The following BFSP2 variants were observed in gnomAD, a reference collection of about 807,000 sequenced individuals.
BFSP2 encodes beaded filament structural protein 2, also known as phakinin.
A neutral mutation model predicts 44.9 loss-of-function variants in BFSP2; 38 were observed. The observed-to-expected ratio is 0.85, with a 90% confidence interval of 0.65 to 1.11. The LOEUF (loss-of-function observed/expected upper bound fraction) is 1.11, where lower values mean the gene tolerates loss of function less well. Among genes scored for constraint, BFSP2 ranks in the 50% least tolerant of loss-of-function variants. The pLI, the probability that BFSP2 is intolerant of heterozygous loss-of-function variation, is 0.00. For missense variants in BFSP2, 525 were observed against 533.0 expected (o/e 0.99, Z 0.15); for synonymous variants, 197 against 209.9 (o/e 0.94, Z 0.53).
At chr3:133,458,746 C>G (rs1160130311) in intron 4 of BFSP2, among the ~76,000 whole-genome samples, 1 of 151,980 alleles carries the variant, frequency 6.6e-6, no homozygotes, top group Non-Finnish European at 1.5e-5. Flanking sequence ...AGCGCTCTCT[C>G]AGGCCCTTAT....
intron 1 of BFSP2, among the ~76,000 whole-genome samples, chr3:133,404,100 C>T (rs1206244515): frequency 8.5e-5 from 13 of 152,096 alleles, no homozygotes; most frequent in Admixed American, 7.9e-4. Context: ...TGGAGTGCAG[C>T]GATGCCATCA....
At chr3:133,432,823 A>G (rs181813786) in intron 1 of BFSP2, among the ~76,000 whole-genome samples, 1 of 152,192 alleles carries the variant, frequency 6.6e-6, no homozygotes, top group Admixed American at 6.5e-5. Context: ...CTTCCTAGGC[A>G]TGGTTAGCGC....
At chr3:133,442,178 C>T (rs1335102760) in intron 1 of BFSP2, among the ~76,000 whole-genome samples, 1 of 152,208 alleles carries the variant, frequency 6.6e-6, no homozygotes, top group African/African-American at 2.4e-5. Context: ...TTCACTCTGT[C>T]TCTCAGGCTG....
intron 1 of BFSP2, among the ~76,000 whole-genome samples, chr3:133,435,877 C>T (rs984454891): frequency 1.3e-5 from 2 of 152,252 alleles, no homozygotes; most frequent in East Asian, 3.9e-4. Context: ...CCCATGATTT[C>T]ATTATTTTTC....
chr3:133,466,873 C>T lies in BFSP2; in HGVS notation c.937C>T (p.Leu313=), dbSNP rs1040819469. 3.1e-6 allele frequency: 5 copies of T among 1,613,818 alleles called. No individual in the cohort carries two copies. The highest frequency in any genetic ancestry group is 3.4e-6 in the Non-Finnish European group (4 of 1,179,968). ...CATGTCCCAGACCCAGGAGGAGAAG[C>T]TGGCAGCTGCCCTCAGGGTGGAGTT... ...AHMSQTQEEK[L]AAALRVELHN... Residue 313 remains leucine (L), a synonymous_variant, in exon 5 of 7, where the codon CTG becomes TTG. Transcript: ENST00000302334.
At chr3:133,418,161 C>A (rs1467471077) in intron 1 of BFSP2, among the ~76,000 whole-genome samples, 3 of 151,930 alleles carry the variant, frequency 2.0e-5, no homozygotes, top group South Asian at 2.1e-4. Context: ...CCTGTTCTCT[C>A]CCCTCTCTTC....
chr3:133,424,231 T>G lies in BFSP2; in HGVS notation c.490-23086T>G, dbSNP rs1303047204. On this transcript the variant is annotated intron_variant, in intron 1 of 6. Coordinates refer to ENST00000302334, the MANE Select transcript of BFSP2 (RefSeq NM_003571.4). Reference sequence around the variant, plus strand: ...CAGCTAATTTTTTTTTTTTTTTTTTTTTTTTTTTTTGTATTTTTAGTAGAG... The same window carrying G: ...CAGCTAATTTTTTTTTTTTTTTTTTGTTTTTTTTTTGTATTTTTAGTAGAG... Among the ~76,000 whole-genome samples the G allele has an allele frequency of 1.9e-3, 281 of 146,620 alleles. 7 individuals are homozygous for G. Among genetic ancestry groups the G allele is most frequent in the African/African-American group, 6.7e-3 (268 of 40,164 alleles).
Position 133,448,560 on chromosome 3 carries a change from A to T in BFSP2, c.644A>T (p.Glu215Val). ...AACTCTCTGTATAAAGTCATTGATGAGGCTAATTTGACTAAAATGGACCTG... is the reference window on the plus strand; with the variant it reads ...AACTCTCTGTATAAAGTCATTGATGTGGCTAATTTGACTAAAATGGACCTG... Reference protein sequence around the residue: ...EINSLYKVIDEANLTKMDLES... With the variant: ...EINSLYKVIDVANLTKMDLES... Residue 215 changes from glutamate (E) to valine (V), a missense_variant, in exon 3 of 7, where the codon GAG becomes GTG. Transcript: ENST00000302334. 2 of 1,614,142 alleles carry T rather than the reference A, an allele frequency of 1.2e-6. No homozygotes were observed. The highest frequency in any genetic ancestry group is 1.7e-6 in the Non-Finnish European group (2 of 1,180,004).
rs146910629 is a variant in BFSP2 at position 133,444,333 on chromosome 3, C to T, written c.490-2984C>T. Among the ~76,000 whole-genome samples the T allele has an allele frequency of 2.5e-4, 38 of 152,184 alleles. 1 individual carries two copies. Among genetic ancestry groups the T allele is most frequent in the Non-Finnish European group, 5.1e-4 (35 of 68,018 alleles). Reference sequence around the variant, plus strand: ...CAGGCAATCTGCTGAGTCACACATACGCTGAGTCTCACACACCTTGGCTCA... The same window carrying T: ...CAGGCAATCTGCTGAGTCACACATATGCTGAGTCTCACACACCTTGGCTCA... On this transcript the variant is annotated intron_variant, in intron 1 of 6. Coordinates refer to ENST00000302334, the MANE Select transcript of BFSP2 (RefSeq NM_003571.4).
intron 1 of BFSP2, among the ~76,000 whole-genome samples, chr3:133,424,970 A>G (rs2073630360): frequency 1.3e-5 from 2 of 152,196 alleles, no homozygotes; most frequent in South Asian, 4.1e-4. Flanking sequence ...GGAGAATGAA[A>G]TCAGTGGGAA....
intron 1 of BFSP2, among the ~76,000 whole-genome samples, chr3:133,412,730 T>C (rs1275278692): frequency 2.0e-5 from 3 of 152,322 alleles, no homozygotes; most frequent in Non-Finnish European, 4.4e-5. Flanking sequence ...CAGGGAGGCA[T>C]ACCTCGACAC....
chr3:133,412,776 G>C (rs1318100453), intron 1 of BFSP2, among the ~76,000 whole-genome samples: 2 of 152,358 alleles, frequency 1.3e-5, no homozygotes, highest in South Asian at 2.1e-4. Flanking sequence ...GTGGTGAAAG[G>C]TGAATGTGGA....
chr3:133,451,677 G>A (rs1044327015), intron 4 of BFSP2, among the ~76,000 whole-genome samples: 3 of 152,322 alleles, frequency 2.0e-5, no homozygotes, highest in South Asian at 2.1e-4. Flanking sequence ...ATTAGCAGTC[G>A]TTGCCTTTGA....
At chr3:133,452,249 A>T (rs1384248621) in intron 4 of BFSP2, among the ~76,000 whole-genome samples, 1 of 152,232 alleles carries the variant, frequency 6.6e-6, no homozygotes, top group African/African-American at 2.4e-5. Flanking sequence ...CCAAGTATCA[A>T]CAAGAACCTT....
intron 2 of BFSP2, among the ~76,000 whole-genome samples, 177 bp from the exon 3 acceptor site, chr3:133,448,312 A>G (rs2073922385): frequency 6.6e-6 from 1 of 152,232 alleles, no homozygotes; most frequent in South Asian, 2.1e-4. Flanking sequence ...AATTGCCTTC[A>G]TTTTAATAAA....
chr3:133,444,856 TCTC>T (rs1193270219), intron 1 of BFSP2, among the ~76,000 whole-genome samples: 1 of 152,066 alleles, frequency 6.6e-6, no homozygotes, highest in Admixed American at 6.5e-5. Context: ...TTTGGCATCT[TCTC>T]CTGCCTCCTC....
intron 4 of BFSP2, among the ~76,000 whole-genome samples, chr3:133,452,022 C>G (rs1453742198): frequency 6.6e-6 from 1 of 152,164 alleles, no homozygotes; most frequent in African/African-American, 2.4e-5. Flanking sequence ...GGTTCTTGAT[C>G]CTGGCTACGC....
Position 133,450,317 on chromosome 3 carries a change from G to A in BFSP2, c.744G>A (p.Leu248=). 6.2e-7 allele frequency: 1 copy of A among 1,614,190 alleles called. No individual in the cohort carries two copies. The highest frequency in any genetic ancestry group is 8.5e-7 in the Non-Finnish European group (1 of 1,180,030). ...SRNYEEDVKL[L]HKQLAGCELE... ...GTTGTTTTCAGGATGTGAAGCTGCT[G>A]CACAAACAGTTGGCAGGGTGTGAGC... is the stretch of plus-strand genomic sequence containing the variant. The change falls in exon 4 of 7, where the codon CTG becomes CTA. Residue 248 remains leucine (L), a synonymous_variant. Coordinates refer to ENST00000302334, the MANE Select transcript of BFSP2 (RefSeq NM_003571.4).
Position 133,472,421 on chromosome 3 carries a change from T to A in BFSP2, c.1100T>A (p.Val367Asp). The A allele has an allele frequency of 6.2e-7, 1 of 1,614,106 alleles. No individual in the cohort carries two copies. Among genetic ancestry groups the A allele is most frequent in the South Asian group, 1.1e-5 (1 of 91,070 alleles). ...DMELQNLGAV[V>D]GRLEAELREI... ...GAGCTCCAGAACCTGGGCGCTGTGG[T>A]CGGCCGGCTGGAGGCGGAGCTCAGG... The change falls in exon 6 of 7, where the codon GTC (valine) becomes GAC (aspartate). Residue 367 changes from valine to aspartate, a missense_variant. Val to Asp is a radical substitution (Grantham distance 152, BLOSUM62 -3). Transcript: ENST00000302334.
Sources: allele counts gnomAD v4.1 joint callset (sites outside exome capture counted in the v4.1 genomes callset), GRCh38; gene constraint gnomAD v4.1.1; transcripts MANE v1.5; gene names NCBI Gene and HGNC (gene_info 2026-07-23, HGNC 2026-07-21).